RSPO4: variants seen among roughly 807,000 people sequenced by gnomAD.
RSPO4 encodes the protein R-spondin 4, also known as R-spondin-4.
A neutral mutation model predicts 24.8 loss-of-function variants in RSPO4; 23 were observed. That is an observed-to-expected ratio of 0.93 (90% confidence interval 0.67 to 1.31). RSPO4 has a LOEUF of 1.31. Among genes scored for constraint, RSPO4 ranks in the 40% most tolerant of loss-of-function variants. The pLI is 0.00. For missense variants in RSPO4, 333 were observed against 316.5 expected, an observed-to-expected ratio of 1.05 and a Z score of -0.39; for synonymous variants, 141 against 127.4, an observed-to-expected ratio of 1.11 and a Z score of -0.72.
At chr20:969,198 C>T (rs895806070) in intron 1 of RSPO4, among the ~76,000 whole-genome samples, 1 of 152,228 alleles carries the variant, frequency 6.6e-6, no homozygotes, top group Non-Finnish European at 1.5e-5. Flanking sequence ...CACCTGTAGT[C>T]CCAGCTACTT....
At chr20:996,647 G>A (rs527670330) in intron 1 of RSPO4, among the ~76,000 whole-genome samples, 8 of 152,238 alleles carry the variant, frequency 5.3e-5, no homozygotes, top group South Asian at 4.1e-4. Flanking sequence ...GTCCTGTGGC[G>A]GCAGAAATGG....
At chr20:979,939 G>T (rs1289649501) in intron 1 of RSPO4, among the ~76,000 whole-genome samples, 2 of 152,012 alleles carry the variant, frequency 1.3e-5, no homozygotes, top group African/African-American at 4.8e-5. Flanking sequence ...AAGTGCTGTT[G>T]TCTCTTTCCC....
chr20:972,028 C>T (rs748534219), intron 1 of RSPO4, among the ~76,000 whole-genome samples: 18 of 152,178 alleles, frequency 1.2e-4, no homozygotes, highest in African/African-American at 3.4e-4. Flanking sequence ...CTTTGCCCCT[C>T]GTCCACTCTC....
chr20:989,942 G>A (rs1296934274), intron 1 of RSPO4, among the ~76,000 whole-genome samples: 1 of 152,208 alleles, frequency 6.6e-6, no homozygotes, highest in Non-Finnish European at 1.5e-5. Flanking sequence ...AGTGTGCCAG[G>A]ACCTGTGCCA....
chr20:997,565 C>G (rs568559110), intron 1 of RSPO4, among the ~76,000 whole-genome samples: 10 of 152,292 alleles, frequency 6.6e-5, no homozygotes, highest in South Asian at 2.1e-4. Flanking sequence ...CTGTAGGAAT[C>G]CCTTTCAGAA....
chr20:973,730 G>C (rs1204041221), intron 1 of RSPO4, among the ~76,000 whole-genome samples: 1 of 152,136 alleles, frequency 6.6e-6, no homozygotes, highest in African/African-American at 2.4e-5. Flanking sequence ...AGTATATGCT[G>C]AAGGCCAAAG....
At chr20:983,734 G>A (rs1404606373) in intron 1 of RSPO4, among the ~76,000 whole-genome samples, 2 of 152,170 alleles carry the variant, frequency 1.3e-5, no homozygotes, top group Non-Finnish European at 2.9e-5. Flanking sequence ...GCCAAAACAG[G>A]GTTTGGCTGA....
rs1983891003 is a variant in RSPO4, at chr20:959,100, T to G, written c.*1257A>C. 1 of 125,644 alleles carries G rather than the reference T, an allele frequency of 8.0e-6. No homozygotes were observed. The highest frequency in any genetic ancestry group is 3.1e-5 in the African/African-American group (1 of 32,002). 7.8% of individuals were successfully genotyped at this position (125,644 alleles called of 1,614,324 possible). A position where few individuals can be genotyped will look rare whatever the true frequency, so the allele number is the denominator to read the frequency against. ...GTGTGGGCGAGTGTGGTGGTGGGTG[T>G]GGGGGAGTGTGGTGGTGGGTGTGGG... On this transcript the variant is annotated 3_prime_UTR_variant, in exon 5 of 5. Coordinates refer to ENST00000217260, the MANE Select transcript of RSPO4 (RefSeq NM_001029871.4).
Position 964,119 on chromosome 20 carries a change from C to T in RSPO4, c.411G>A (p.Gly137=). The T allele has an allele frequency of 6.2e-7, 1 of 1,607,892 alleles. No individual in the cohort carries two copies. Among genetic ancestry groups the T allele is most frequent in the Non-Finnish European group, 8.5e-7 (1 of 1,176,016 alleles). ...LAHQNTRECQ[G]ECELGPWGGW... is the part of the protein sequence containing the mutation. The stretch of plus-strand genomic sequence containing the variant: ...CGCCCCAGGGACCCAGTTCACACTC[C>T]CCTGTGGGGTGAAAGGAGAGACAGA... Residue 137 remains glycine (G), a splice_region_variant and synonymous_variant, in exon 4 of 5, where the codon GGG becomes GGA. Transcript: ENST00000217260.
intron 1 of RSPO4, among the ~76,000 whole-genome samples, chr20:984,950 T>C (rs868502130): frequency 1.8e-4 from 20 of 112,768 alleles, no homozygotes; most frequent in Admixed American, 2.9e-4. Context: ...CATCCATCCA[T>C]CCACCCACCC....
rs200584918 is a variant in RSPO4 at position 1,002,125 on chromosome 20, C to A, written c.40G>T (p.Ala14Ser). 432 of 1,565,760 alleles carry A rather than the reference C, an allele frequency of 2.8e-4. No homozygotes were observed. Among genetic ancestry groups the A allele is most frequent in the Non-Finnish European group, 3.4e-4 (393 of 1,155,008 alleles). ...CGGTTCAGGGCGAGCATGTCCACGG[C>A]GTGGGCGACGAGCAGGAGCAGGCAG... ...PLCLLLLVAHAVDMLALNRRK... is the reference protein window; with the variant it reads ...PLCLLLLVAHSVDMLALNRRK... Residue 14 changes from alanine (A) to serine (S), a missense_variant, in exon 1 of 5, where the codon GCC (alanine) becomes TCC (serine). Physicochemically the swap from Ala to Ser is moderately conservative, Grantham distance 99. Transcript: ENST00000217260. The surrounding 1 kb of genome is among the most constrained non-coding windows in gnomAD (Gnocchi z 4.6).
At chr20:966,223 T>A (rs539046973) in intron 3 of RSPO4, among the ~76,000 whole-genome samples, 4 of 151,916 alleles carry the variant, frequency 2.6e-5, no homozygotes, top group Non-Finnish European at 5.9e-5. Context: ...AGAGGCACAG[T>A]GTAGATGAGA....
Position 981,929 on chromosome 20 carries a change from T to C in RSPO4, c.80-13791A>G, listed in dbSNP as rs1392758073. On this transcript the variant is annotated intron_variant, in intron 1 of 4. Transcript: ENST00000217260. The surrounding 1 kb of genome is among the most constrained non-coding windows in gnomAD (Gnocchi z 4.6). ...ATCAACCAAATCTCTGCTTCCCCAT[T>C]CTCCTGGACCTGCCCTGGACCACAT... 6.6e-6 allele frequency among the ~76,000 whole-genome samples: 1 copy of C among 151,960 alleles called. No homozygotes were observed. The highest frequency in any genetic ancestry group is 1.5e-5 in the Non-Finnish European group (1 of 67,990).
rs1012398303 is a variant in RSPO4, at chr20:972,228, C to G, written c.80-4090G>C. On this transcript the variant is annotated intron_variant, in intron 1 of 4. Coordinates refer to ENST00000217260, the MANE Select transcript of RSPO4 (RefSeq NM_001029871.4). ...TACAGGCGTGCACCACCATGCCCAG[C>G]TAATCTGTGTATTTTTTTGTAGAGA... Among the ~76,000 whole-genome samples, 3 of 152,142 alleles carry G rather than the reference C, an allele frequency of 2.0e-5. 1 individual carries two copies. Among genetic ancestry groups the G allele is most frequent in the Admixed American group, 1.3e-4 (2 of 15,280 alleles).
chr20:996,761 G>A (rs978982681), intron 1 of RSPO4, among the ~76,000 whole-genome samples: 1 of 152,074 alleles, frequency 6.6e-6, no homozygotes, highest in South Asian at 2.1e-4. Context: ...CTGGAGAGTG[G>A]CACCCAAGGC....
chr20:961,682 C>A (rs1018473683), intron 4 of RSPO4, among the ~76,000 whole-genome samples: 7 of 152,114 alleles, frequency 4.6e-5, no homozygotes, highest in Non-Finnish European at 8.8e-5. Context: ...AGTGGCCCTG[C>A]CGGCTCTGAT....
intron 1 of RSPO4, among the ~76,000 whole-genome samples, chr20:986,447 C>T (rs949457057): frequency 2.0e-5 from 3 of 151,984 alleles, no homozygotes; most frequent in African/African-American, 7.3e-5. Context: ...GACATATCTC[C>T]CTACAGGGCA....
chr20:966,472 G>C (rs1984201250), intron 3 of RSPO4, among the ~76,000 whole-genome samples: 3 of 151,168 alleles, frequency 2.0e-5, no homozygotes, highest in Admixed American at 2.0e-4. Flanking sequence ...TCTAACGTTT[G>C]GAGAAACCGA....
chr20:986,871 G>A (rs1439005253), intron 1 of RSPO4, among the ~76,000 whole-genome samples: 1 of 152,086 alleles, frequency 6.6e-6, no homozygotes, highest in East Asian at 1.9e-4. Context: ...AGACAAATAG[G>A]ACAATAACCA....
Sources: gnomAD v4.1 joint callset for allele counts (sites outside exome capture counted in the v4.1 genomes callset) on GRCh38, gnomAD v4.1.1 for gene constraint, Gnocchi (gnomAD v3.1) non-coding constraint, MANE v1.5 for transcripts, NCBI Gene and HGNC (gene_info 2026-07-23, HGNC 2026-07-21) for gene names.